Variants in CNTN3 observed in about 807,000 individuals in gnomAD.
CNTN3 encodes contactin-3.
CNTN3 carries 60 observed loss-of-function variants against 119.1 expected under a neutral mutation model. That is an observed-to-expected ratio of 0.50 (90% confidence interval 0.41 to 0.62). The LOEUF is 0.62. CNTN3 is among the 20% of genes least tolerant of loss of function. The pLI is 0.00. For missense variants in CNTN3, 1,101 were observed against 1,242.4 expected, an observed-to-expected ratio of 0.89 and a Z score of 1.71; for synonymous variants, 450 against 438.7, an observed-to-expected ratio of 1.03 and a Z score of -0.32.
In CNTN3 at chr3:74,351,470, T is replaced by TA. The variant is rs1209042485; in HGVS notation, c.1364+10419dup. Among the ~76,000 whole-genome samples the TA allele has an allele frequency of 4.6e-5, 7 of 152,314 alleles. 1 individual carries two copies. Among genetic ancestry groups the TA allele is most frequent in the African/African-American group, 1.7e-4 (7 of 41,580 alleles). ...AGGCTCAGGAATTATGTAACTTGTC[T>TA]AACACCCCATAGGTGGCAAGTGACA... is the stretch of plus-strand genomic sequence containing the variant. On this transcript the variant is annotated intron_variant, in intron 11 of 22. Transcript: ENST00000263665.
chr3:74,284,583 C>CT (rs1702073011), intron 20 of CNTN3, among the ~76,000 whole-genome samples: 1 of 152,126 alleles, frequency 6.6e-6, no homozygotes, highest in Non-Finnish European at 1.5e-5. Flanking sequence ...ACAATAGTAA[C>CT]TTAAACATTT....
intron 19 of CNTN3, among the ~76,000 whole-genome samples, chr3:74,292,849 A>G (rs1321822025): frequency 6.6e-6 from 1 of 152,114 alleles, no homozygotes; most frequent in African/African-American, 2.4e-5. Flanking sequence ...TGCCAATGCC[A>G]CTGCCAGTTC....
intron 5 of CNTN3, among the ~76,000 whole-genome samples, chr3:74,417,841 A>G (rs1701549499): frequency 6.6e-6 from 1 of 152,228 alleles, no homozygotes; most frequent in Admixed American, 6.5e-5. Context: ...GAAAATGTCA[A>G]TAGTCACATC....
chr3:74,510,135 G>A lies in CNTN3; in HGVS notation c.56-10350C>T, dbSNP rs1027129773. On this transcript the variant is annotated intron_variant, in intron 2 of 22. Coordinates refer to ENST00000263665, the MANE Select transcript of CNTN3 (RefSeq NM_020872.3). ...GTGTGTTTACTTAAGCATCATTGCA[G>A]ATGGTTTTAATTTACAAAATGTTAC... 3.9e-5 allele frequency among the ~76,000 whole-genome samples: 6 copies of A among 152,010 alleles called. No individual in the cohort carries two copies. In the South Asian group the frequency reaches 1.0e-3, roughly 26 times the overall value.
intron 2 of CNTN3, among the ~76,000 whole-genome samples, chr3:74,516,016 CA>C (rs1391368873): frequency 6.6e-6 from 1 of 151,942 alleles, no homozygotes; most frequent in African/African-American, 2.4e-5. Context: ...AAGGAGGAAC[CA>C]CTTGGTTCTT....
At chr3:74,326,651 TA>T (rs1379150225) in intron 13 of CNTN3, among the ~76,000 whole-genome samples, 2 of 151,718 alleles carry the variant, frequency 1.3e-5, no homozygotes, top group South Asian at 2.1e-4. Context: ...AGTCATTAAT[TA>T]AAAAAAAATT....
intron 5 of CNTN3, among the ~76,000 whole-genome samples, chr3:74,395,129 TTGC>T (rs1417005842): frequency 6.6e-6 from 1 of 152,138 alleles, no homozygotes; most frequent in East Asian, 1.9e-4. Flanking sequence ...ACAATGTCTT[TTGC>T]TGTTTCTCCT....
intron 4 of CNTN3, among the ~76,000 whole-genome samples, chr3:74,444,776 T>C (rs532190992): frequency 6.6e-6 from 1 of 152,162 alleles, no homozygotes; most frequent in Non-Finnish European, 1.5e-5. Flanking sequence ...TATAACCCTA[T>C]CAGGTACTAG....
chr3:74,445,550 TC>T (rs1413506062), intron 4 of CNTN3, among the ~76,000 whole-genome samples: 4 of 152,174 alleles, frequency 2.6e-5, no homozygotes, highest in Non-Finnish European at 5.9e-5. Flanking sequence ...ATGAAAGCCT[TC>T]TACCAGAATC....
At chr3:74,404,599 GA>G (rs978834095) in intron 5 of CNTN3, among the ~76,000 whole-genome samples, 1 of 151,412 alleles carries the variant, frequency 6.6e-6, no homozygotes, top group Non-Finnish European at 1.5e-5. Flanking sequence ...TGCTGTATTG[GA>G]AAAAAAATTA....
intron 1 of CNTN3, among the ~76,000 whole-genome samples, chr3:74,583,858 CAATT>C (rs561428514): frequency 6.6e-6 from 1 of 152,124 alleles, no homozygotes; most frequent in Non-Finnish European, 1.5e-5. Context: ...TAAGAGACAA[CAATT>C]AATTGCAGTT....
Position 74,263,166 on chromosome 3 carries a change from A to G in CNTN3, c.*1235T>C, listed in dbSNP as rs1185245535. ...ATCTGCTGATTTTAATTTATTCTCT[A>G]TATATTGCTATGAAGTCACGTCTTC... On this transcript the variant is annotated 3_prime_UTR_variant, in exon 23 of 23. Coordinates refer to ENST00000263665, the MANE Select transcript of CNTN3 (RefSeq NM_020872.3). 1 of 152,124 alleles carries G rather than the reference A, an allele frequency of 6.6e-6. No individual in the cohort carries two copies. The highest frequency in any genetic ancestry group is 2.4e-5 in the African/African-American group (1 of 41,442). The allele number at this position is 152,124 out of a possible 1,614,324, so 9.4% of individuals were successfully genotyped here. A position where few individuals can be genotyped will look rare whatever the true frequency, so the allele number is the denominator to read the frequency against.
chr3:74,534,956 G>C (rs1366611910), intron 1 of CNTN3, among the ~76,000 whole-genome samples: 1 of 151,978 alleles, frequency 6.6e-6, no homozygotes, highest in Non-Finnish European at 1.5e-5. Flanking sequence ...AATTAAGACT[G>C]TGATTACATG....
At chr3:74,605,656 T>G (rs1374869) in intron 1 of CNTN3, among the ~76,000 whole-genome samples, 135,254 of 152,132 alleles carry the variant, frequency 0.89, 60,465 homozygotes, top group East Asian at 0.99. Context: ...TTTGGCTACT[T>G]GCCAGCTATT....
intron 5 of CNTN3, among the ~76,000 whole-genome samples, chr3:74,387,586 A>G (rs1704782469): frequency 6.6e-6 from 1 of 152,224 alleles, no homozygotes; most frequent in South Asian, 2.1e-4. Context: ...GAGTTGGTCT[A>G]TGGGCCTGAA....
intron 1 of CNTN3, among the ~76,000 whole-genome samples, chr3:74,602,723 T>C (rs1704931787): frequency 6.6e-6 from 1 of 152,108 alleles, no homozygotes; most frequent in Non-Finnish European, 1.5e-5. Flanking sequence ...ACATATAAAC[T>C]ATACTACTGT....
At chr3:74,558,339 T>A (rs1038781599) in intron 1 of CNTN3, among the ~76,000 whole-genome samples, 1 of 152,188 alleles carries the variant, frequency 6.6e-6, no homozygotes, top group African/African-American at 2.4e-5. Flanking sequence ...TATGCAGATC[T>A]CTGTCTCAGA....
chr3:74,500,033 G>T (rs541543138), intron 2 of CNTN3, among the ~76,000 whole-genome samples: 6 of 151,958 alleles, frequency 3.9e-5, no homozygotes, highest in Non-Finnish European at 8.8e-5. Flanking sequence ...ATTTCATACC[G>T]CAGCAATTAC....
At chr3:74,499,566 T>C (rs1703126829) in intron 3 of CNTN3, 93 bp downstream of exon 3, 1 of 1,187,998 alleles carries the variant, frequency 8.4e-7, no homozygotes, top group Non-Finnish European at 1.2e-6. Context: ...TTCTTACTGA[T>C]GGCATAAATA....
Sources: gnomAD v4.1 joint callset for allele counts (sites outside exome capture counted in the v4.1 genomes callset) on GRCh38, gnomAD v4.1.1 for gene constraint, MANE v1.5 for transcripts, NCBI Gene and HGNC (gene_info 2026-07-23, HGNC 2026-07-21) for gene names.